The following TSGA13 variants were observed in gnomAD, a reference collection of about 807,000 sequenced individuals.
The protein encoded by TSGA13 is testis-specific gene 13 protein.
Under a neutral mutation model 35.1 loss-of-function variants are expected in TSGA13, and 37 were observed. That is an observed-to-expected ratio of 1.05 (90% CI 0.81 to 1.39). The LOEUF is 1.39. Ranked by LOEUF, TSGA13 falls within the 40% of genes most tolerant of loss-of-function variation. The pLI, the probability that TSGA13 is intolerant of heterozygous loss-of-function variation, is 0.00. For synonymous variants in TSGA13, 124 were observed against 121.2 expected (o/e 1.02, Z -0.15); for missense variants, 338 against 328.5 (o/e 1.03, Z -0.22).
At position 130,681,033 on chromosome 7, in the gene TSGA13, A is replaced by C. The variant is rs1554465014; in HGVS notation, c.103-16T>G. 3.1e-6 allele frequency: 5 copies of C among 1,613,482 alleles called. No homozygotes were observed. Among genetic ancestry groups the C allele is most frequent in the Non-Finnish European group, 4.2e-6 (5 of 1,179,480 alleles). ...CATCAGAAATCTAAAGAGGATAATC[A>C]AAGTTAGTGGTTTGAAGTTGCACCT... On this transcript the variant is annotated splice_polypyrimidine_tract_variant and intron_variant, in intron 3 of 7. Transcript: ENST00000356588.
At chr7:130,669,619 C>G (rs529917399) in intron 7 of TSGA13, among the ~76,000 whole-genome samples, 1 of 152,338 alleles carries the variant, frequency 6.6e-6, no homozygotes, top group South Asian at 2.1e-4. Flanking sequence ...TAAATTGGGT[C>G]TATACTCAAC....
At chr7:130,676,867 G>T (rs1215335430) in intron 5 of TSGA13, among the ~76,000 whole-genome samples, 1 of 151,544 alleles carries the variant, frequency 6.6e-6, no homozygotes, top group Admixed American at 6.6e-5. Flanking sequence ...CGCTCTTGAG[G>T]CTATCATGAC....
chr7:130,670,284 A>G (rs1796231843), intron 7 of TSGA13, among the ~76,000 whole-genome samples: 1 of 152,172 alleles, frequency 6.6e-6, no homozygotes, highest in African/African-American at 2.4e-5. Context: ...GGATGGTATA[A>G]TATGACCCCA....
At chr7:130,679,060 G>T in intron 5 of TSGA13, 95 bp downstream of exon 5, 1 of 1,033,046 alleles carries the variant, frequency 9.7e-7, no homozygotes, top group Non-Finnish European at 1.5e-6. Flanking sequence ...GAGGTTTTCT[G>T]AGTACTATTC....
intron 7 of TSGA13, among the ~76,000 whole-genome samples, chr7:130,671,179 T>C (rs1414996195): frequency 6.6e-6 from 1 of 152,124 alleles, no homozygotes; most frequent in African/African-American, 2.4e-5. Context: ...AGCAGTTTTT[T>C]CTTCAAAGTA....
chr7:130,685,630 A>T (rs1796642370), intron 1 of TSGA13, among the ~76,000 whole-genome samples: 1 of 152,204 alleles, frequency 6.6e-6, no homozygotes, highest in Non-Finnish European at 1.5e-5. Context: ...CATGATAGTG[A>T]TGAGATTTAA....
rs782028496 is a variant in TSGA13 at position 130,677,862 on chromosome 7, A to G, written c.387+1293T>C. Among the ~76,000 whole-genome samples, 17 of 152,182 alleles carry G rather than the reference A, an allele frequency of 1.1e-4. 1 individual carries two copies. On this transcript the variant is annotated intron_variant, in intron 5 of 7. Coordinates refer to ENST00000356588, the MANE Select transcript of TSGA13 (RefSeq NM_052933.4). Reference sequence around the variant, plus strand: ...CCCTACTCACTCCCTTTTTCCCAACAGAAATACTGTATTCTACATTACTTC... The same window carrying G: ...CCCTACTCACTCCCTTTTTCCCAACGGAAATACTGTATTCTACATTACTTC...
intron 5 of TSGA13, 130 bp from the exon 6 acceptor site, chr7:130,673,006 G>A (rs1796317915): frequency 1.9e-6 from 2 of 1,068,166 alleles, no homozygotes; most frequent in Admixed American, 6.8e-5. Context: ...AGAGGGGGAA[G>A]TGGGAACTCA....
At position 130,668,787 on chromosome 7, in the gene TSGA13, C is replaced by T. The variant is rs1796165569; in HGVS notation, c.*227G>A. 3 of 1,342,364 alleles carry T rather than the reference C, an allele frequency of 2.2e-6. No homozygotes were observed. The highest frequency in any genetic ancestry group is 3.0e-6 in the Non-Finnish European group (3 of 1,003,546). The allele number at this position is 1,342,364 out of a possible 1,614,324, so 83.2% of individuals were successfully genotyped here. A position where few individuals can be genotyped will look rare whatever the true frequency, so the allele number is the denominator to read the frequency against. On this transcript the variant is annotated 3_prime_UTR_variant, in exon 8 of 8. Coordinates refer to ENST00000356588, the MANE Select transcript of TSGA13 (RefSeq NM_052933.4). ...TCTCACGCCGGTTGGGCCGCCGCGC[C>T]TTCACTCGGGGCCAAGGCCCGCCCT...
At chr7:130,677,824 T>C (rs955714123) in intron 5 of TSGA13, among the ~76,000 whole-genome samples, 2 of 152,362 alleles carry the variant, frequency 1.3e-5, no homozygotes. Flanking sequence ...TGTTCTTTTG[T>C]CATGGGTCAC....
intron 4 of TSGA13, among the ~76,000 whole-genome samples, chr7:130,680,594 G>T (rs2101452): frequency 0.03 from 4,616 of 151,940 alleles, 233 homozygotes; most frequent in African/African-American, 0.11. Context: ...CACTAAATTT[G>T]CCTTTCTCTC....
intron 5 of TSGA13, among the ~76,000 whole-genome samples, chr7:130,678,290 A>T (rs1418935874): frequency 6.6e-6 from 1 of 152,028 alleles, no homozygotes; most frequent in Non-Finnish European, 1.5e-5. Flanking sequence ...GAGGCAGGAG[A>T]ATGGCGTGAA....
chr7:130,685,835 A>G (rs1468751687), intron 1 of TSGA13, among the ~76,000 whole-genome samples: 1 of 152,212 alleles, frequency 6.6e-6, no homozygotes, highest in Non-Finnish European at 1.5e-5. Flanking sequence ...ATAGACAATT[A>G]GAAATGGAAG....
Position 130,680,971 on chromosome 7 carries a change from C to T in TSGA13, c.149G>A (p.Arg50Gln), listed in dbSNP as rs571780213. 42 of 1,614,066 alleles carry T rather than the reference C, an allele frequency of 2.6e-5. 2 individuals carry two copies. The highest frequency in any genetic ancestry group is 1.6e-4 in the Middle Eastern group (1 of 6,062). The change falls in exon 4 of 8, where the codon CGG (arginine) becomes CAG (glutamine). Residue 50 changes from arginine (R) to glutamine (Q), a missense_variant. Arg to Gln is a conservative substitution (Grantham distance 43). Transcript: ENST00000356588. ...GQSKFVLENL[R>Q]HYTVHPNLAQ... is the part of the protein sequence containing the mutation. ...CAAATTTGGATGGACTGTGTAATGC[C>T]GAAGGTTCTCTAGAACAAATTTTGA...
chr7:130,673,097 A>G (rs1232107685), intron 5 of TSGA13, among the ~76,000 whole-genome samples: 2 of 152,232 alleles, frequency 1.3e-5, no homozygotes, highest in Admixed American at 1.3e-4. Context: ...AAACCTGTTC[A>G]GTTTCCTAAG....
intron 5 of TSGA13, among the ~76,000 whole-genome samples, chr7:130,678,402 TA>T (rs1563080060): frequency 6.6e-6 from 1 of 151,978 alleles, no homozygotes; most frequent in Non-Finnish European, 1.5e-5. Context: ...ATGGTTTGGC[TA>T]CTGTGATGGC....
At chr7:130,677,128 G>A (rs993074512) in intron 5 of TSGA13, among the ~76,000 whole-genome samples, 16 of 152,070 alleles carry the variant, frequency 1.1e-4, no homozygotes, top group Non-Finnish European at 7.4e-5. Flanking sequence ...TCCTGACCTC[G>A]TGATCCACCT....
intron 7 of TSGA13, among the ~76,000 whole-genome samples, chr7:130,670,421 C>T (rs1316875265): frequency 1.3e-5 from 2 of 152,058 alleles, no homozygotes; most frequent in East Asian, 3.9e-4. Context: ...AGGAGAGAAA[C>T]CCAGTAGGAG....
chr7:130,677,366 G>C (rs1302291981), intron 5 of TSGA13, among the ~76,000 whole-genome samples: 1 of 151,566 alleles, frequency 6.6e-6, no homozygotes, highest in East Asian at 1.9e-4. Context: ...CTCCAAAACA[G>C]TCTTCCTAAA....
Sources: gnomAD v4.1 joint callset for allele counts (sites outside exome capture counted in the v4.1 genomes callset) on GRCh38, gnomAD v4.1.1 for gene constraint, MANE v1.5 for transcripts, NCBI Gene and HGNC (gene_info 2026-07-23, HGNC 2026-07-21) for gene names.